Variants in PLEKHS1 observed in about 807,000 individuals in gnomAD.
PLEKHS1 encodes the protein pleckstrin homology domain containing S1.
In PLEKHS1, 55 loss-of-function variants were observed where a neutral mutation model predicts 51.0. The observed-to-expected ratio is 1.08, with a 90% confidence interval of 0.87 to 1.35. The LOEUF (loss-of-function observed/expected upper bound fraction) is 1.35, where lower values mean the gene tolerates loss of function less well. PLEKHS1 is among the 40% of genes most tolerant of loss of function. The pLI, the probability that PLEKHS1 is intolerant of heterozygous loss-of-function variation, is 0.00. For synonymous variants in PLEKHS1, 153 were observed against 144.8 expected (o/e 1.06, Z -0.41); for missense variants, 398 against 423.0 (o/e 0.94, Z 0.52).
chr10:113,771,970 C>A, exon 8 of PLEKHS1: 1 of 1,609,028 alleles, frequency 6.2e-7, no homozygotes, highest in Non-Finnish European at 8.5e-7. Flanking sequence ...TTTTCTTCAG[C>A]ATTTAATGGA....
At chr10:113,767,399 G>C (rs1377784978) in exon 5 of PLEKHS1, 1 of 1,612,888 alleles carries the variant, frequency 6.2e-7, no homozygotes, top group East Asian at 2.2e-5. Flanking sequence ...AATCTGTGCA[G>C]AAGATGTTTA....
chr10:113,766,597 C>A lies in PLEKHS1; in HGVS notation c.118-15C>A, dbSNP rs757952747. 8 of 1,597,964 alleles carry A rather than the reference C, an allele frequency of 5.0e-6. No homozygotes were observed. The East Asian group carries it at 8.9e-5, about 18-fold the overall frequency. ...CTGAGATTTAACTAAGACATAAAAT[C>A]TTTTTATTTTTCAGACCTCTTGGAA... On this transcript the variant is annotated splice_polypyrimidine_tract_variant and intron_variant, in intron 3 of 11. Transcript: ENST00000361048.
intron 2 of PLEKHS1, among the ~76,000 whole-genome samples, chr10:113,758,486 A>G (rs1344013089): frequency 6.6e-6 from 1 of 152,080 alleles, no homozygotes; most frequent in Admixed American, 6.6e-5. Flanking sequence ...TATTCATTAA[A>G]CCATGTTATA....
chr10:113,772,430 AGTC>A (rs1441505500), intron 8 of PLEKHS1, among the ~76,000 whole-genome samples: 10 of 152,060 alleles, frequency 6.6e-5, no homozygotes, highest in Non-Finnish European at 1.3e-4. Context: ...TGCCTTGAGG[AGTC>A]TTTCTGCATT....
intron 11 of PLEKHS1, among the ~76,000 whole-genome samples, 170 bp downstream of exon 11, chr10:113,776,036 G>T (rs910952512): frequency 6.6e-6 from 1 of 152,150 alleles, no homozygotes; most frequent in African/African-American, 2.4e-5. Flanking sequence ...AGAAATCAGG[G>T]TCTTGTTGTG....
chr10:113,782,082 T>C (rs1352348337), exon 12 of PLEKHS1: 1 of 152,184 alleles, frequency 6.6e-6, no homozygotes, highest in East Asian at 1.9e-4. Flanking sequence ...ATAAAATTCT[T>C]TTATATAAAT....
At chr10:113,780,982 C>G (rs1229988038) in exon 12 of PLEKHS1, 17 of 583,910 alleles carry the variant, frequency 2.9e-5, no homozygotes, top group Non-Finnish European at 5.1e-5. Flanking sequence ...ATTGGAGAAC[C>G]TGGGGGAATT....
exon 12 of PLEKHS1, chr10:113,781,431 T>C (rs1844866717): frequency 1.2e-5 from 1 of 86,736 alleles, no homozygotes; most frequent in Non-Finnish European, 2.2e-5. Flanking sequence ...AAACACCTCC[T>C]TCCCCAACAC....
intron 2 of PLEKHS1, among the ~76,000 whole-genome samples, chr10:113,757,433 G>A (rs188247922): frequency 6.0e-4 from 91 of 152,262 alleles, no homozygotes; most frequent in Middle Eastern, 3.4e-3. Context: ...AAAGCTATGC[G>A]TACACTATAC....
intron 2 of PLEKHS1, among the ~76,000 whole-genome samples, chr10:113,756,726 T>C (rs1287034702): frequency 1.3e-5 from 2 of 151,816 alleles, no homozygotes; most frequent in African/African-American, 4.8e-5. Flanking sequence ...ACCAAAGCAA[T>C]GAAATGGTAT....
At chr10:113,779,222 G>T (rs1844794124) in intron 11 of PLEKHS1, among the ~76,000 whole-genome samples, 1 of 152,146 alleles carries the variant, frequency 6.6e-6, no homozygotes, top group Non-Finnish European at 1.5e-5. Context: ...AAAAGAAGTA[G>T]ATTTCAGGGC....
At chr10:113,757,042 A>G (rs1414843952) in intron 2 of PLEKHS1, among the ~76,000 whole-genome samples, 1 of 150,418 alleles carries the variant, frequency 6.6e-6, no homozygotes, top group African/African-American at 2.5e-5. Flanking sequence ...CAGCCTCCCG[A>G]GTAGCTAGGA....
At chr10:113,774,632 G>A (rs1416386262) in intron 9 of PLEKHS1, among the ~76,000 whole-genome samples, 194 bp from the exon 10 acceptor site, 4 of 152,142 alleles carry the variant, frequency 2.6e-5, no homozygotes, top group Non-Finnish European at 5.9e-5. Flanking sequence ...GGGTAATTTT[G>A]ATTCCATATC....
exon 10 of PLEKHS1, chr10:113,775,011 T>C (rs1305191510): frequency 6.2e-7 from 1 of 1,614,024 alleles, no homozygotes; most frequent in Non-Finnish European, 8.5e-7. Context: ...TCACTAACTG[T>C]TGTGCAATTG....
rs1844222796 is a variant in PLEKHS1 at position 113,767,570 on chromosome 10, T to C, written c.359+91T>C. Reference sequence around the variant, plus strand: ...ACATTTTATACCAATAAACATGTTCTGAACCCACGCTACAAACCTCAAATG... The same window carrying C: ...ACATTTTATACCAATAAACATGTTCCGAACCCACGCTACAAACCTCAAATG... On this transcript the variant is annotated intron_variant, in intron 5 of 11. Coordinates refer to ENST00000361048, the Ensembl canonical transcript of PLEKHS1. The C allele has an allele frequency of 2.4e-6, 3 of 1,257,510 alleles. No homozygotes were observed. The Admixed American group carries it at 9.0e-5, about 38-fold the overall frequency. The allele number at this position is 1,257,510 out of a possible 1,614,324, so 77.9% of individuals were successfully genotyped here.
At chr10:113,757,149 G>A (rs1003226331) in intron 2 of PLEKHS1, among the ~76,000 whole-genome samples, 12 of 152,062 alleles carry the variant, frequency 7.9e-5, no homozygotes, top group Non-Finnish European at 1.6e-4. Context: ...GCCTGACCTC[G>A]TGATCCACCC....
At chr10:113,752,875 T>A (rs138860774) in intron 1 of PLEKHS1, among the ~76,000 whole-genome samples, 42 of 152,258 alleles carry the variant, frequency 2.8e-4, no homozygotes, top group African/African-American at 9.4e-4. Context: ...TTTGGGAGTG[T>A]CCATGAGCAT....
intron 7 of PLEKHS1, among the ~76,000 whole-genome samples, chr10:113,771,457 A>T (rs896220509): frequency 4.6e-5 from 7 of 152,112 alleles, no homozygotes; most frequent in Non-Finnish European, 1.0e-4. Flanking sequence ...GTGGATCACG[A>T]GGTCAGGAGT....
chr10:113,759,965 G>T (rs1459532842), intron 2 of PLEKHS1, among the ~76,000 whole-genome samples: 1 of 152,096 alleles, frequency 6.6e-6, no homozygotes, highest in African/African-American at 2.4e-5. Context: ...CCTAAATCAG[G>T]ATAATAAGCA....
Sources: gnomAD v4.1 joint callset for allele counts (sites outside exome capture counted in the v4.1 genomes callset) on GRCh38, gnomAD v4.1.1 for gene constraint, MANE v1.5 for transcripts, NCBI Gene and HGNC (gene_info 2026-07-23, HGNC 2026-07-21) for gene names.